Variants in M1AP observed in about 807,000 individuals in gnomAD.
The protein encoded by M1AP is meiosis 1 associated protein, also known as meiosis 1 arrest protein.
M1AP carries 39 observed loss-of-function variants against 51.2 expected under a neutral mutation model. The ratio of observed to expected loss-of-function variants is 0.76; its 90% confidence interval spans 0.59 to 1.00. The LOEUF is 1.00. M1AP is among the 50% of genes least tolerant of loss of function. The pLI, the probability that M1AP is intolerant of heterozygous loss-of-function variation, is 0.00. For synonymous variants in M1AP, 251 were observed against 249.2 expected (o/e 1.01, Z -0.07); for missense variants, 545 against 641.2 (o/e 0.85, Z 1.62).
chr2:74,600,696 G>A (rs1034515048), intron 4 of M1AP, among the ~76,000 whole-genome samples: 6 of 152,154 alleles, frequency 3.9e-5, no homozygotes, highest in Admixed American at 6.5e-5. Flanking sequence ...AATAGAGAAT[G>A]AACAGAAAAG....
chr2:74,566,727 G>T (rs946177596), intron 7 of M1AP, among the ~76,000 whole-genome samples: 6 of 131,040 alleles, frequency 4.6e-5, no homozygotes, highest in African/African-American at 1.7e-4. Flanking sequence ...CCCACTCTCA[G>T]CTTGGATTCT....
At chr2:74,640,483 A>T (rs1683232311) in intron 1 of M1AP, among the ~76,000 whole-genome samples, 156 bp from the exon 2 acceptor site, 1 of 147,734 alleles carries the variant, frequency 6.8e-6, no homozygotes, top group African/African-American at 2.5e-5. Context: ...TTTTTTTGAG[A>T]CAGAGTCTCG....
intron 3 of M1AP, among the ~76,000 whole-genome samples, chr2:74,612,330 C>T (rs1204709829): frequency 6.6e-6 from 1 of 151,926 alleles, no homozygotes; most frequent in Non-Finnish European, 1.5e-5. Context: ...GCAATCTTTC[C>T]ACCTCGGCCT....
At position 74,571,992 on chromosome 2, in the gene M1AP, C is replaced by T. The variant is rs1263594138; in HGVS notation, c.1074+3446G>A. 4.1e-5 allele frequency among the ~76,000 whole-genome samples: 6 copies of T among 147,008 alleles called. No homozygotes were observed. In the East Asian group the frequency reaches 8.0e-4, roughly 19 times the overall value. ...GGCCTGGGCAACAAGAGCGAAACTCCGTCTCAAAAAAAAAAAAAAAAAGAA... is the reference window on the plus strand; with the variant it reads ...GGCCTGGGCAACAAGAGCGAAACTCTGTCTCAAAAAAAAAAAAAAAAAGAA... On this transcript the variant is annotated intron_variant, in intron 7 of 10. Coordinates refer to ENST00000421985, the MANE Select transcript of M1AP (RefSeq NM_001321739.2).
intron 7 of M1AP, among the ~76,000 whole-genome samples, chr2:74,563,182 A>G (rs1678143230): frequency 6.6e-6 from 1 of 152,112 alleles, no homozygotes; most frequent in Admixed American, 6.6e-5. Flanking sequence ...GGAGTTCAAG[A>G]CCAGTCTGTG....
rs182105815 is a variant in M1AP at position 74,620,737 on chromosome 2, G to A, written c.241-5588C>T. On this transcript the variant is annotated intron_variant, in intron 2 of 10. Coordinates refer to ENST00000421985, the MANE Select transcript of M1AP (RefSeq NM_001321739.2). ...GGAAGTACAGAGTTAGTACAAATAG[G>A]TGGAGAGTTACTCTTCAGGCCTTTT... is the stretch of plus-strand genomic sequence containing the variant. 4.6e-3 allele frequency: 977 copies of A among 214,464 alleles called. 4 individuals carry two copies. The highest frequency in any genetic ancestry group is 8.1e-3 in the Non-Finnish European group (813 of 99,804). 13.3% of individuals were successfully genotyped at this position (214,464 alleles called of 1,614,324 possible).
intron 4 of M1AP, among the ~76,000 whole-genome samples, chr2:74,605,529 C>T (rs569917363): frequency 2.7e-4 from 41 of 152,230 alleles, no homozygotes; most frequent in Admixed American, 2.1e-3. Flanking sequence ...TACAGTAGTA[C>T]AGTATTGTTA....
chr2:74,584,363 A>T (rs1224517790), intron 4 of M1AP, among the ~76,000 whole-genome samples: 3 of 151,392 alleles, frequency 2.0e-5, no homozygotes, highest in African/African-American at 7.3e-5. Context: ...AGTCCCAGCT[A>T]CTTAGAAGTC....
intron 5 of M1AP, among the ~76,000 whole-genome samples, chr2:74,578,175 G>A (rs1023789185): frequency 3.3e-5 from 5 of 152,172 alleles, no homozygotes; most frequent in African/African-American, 9.7e-5. Flanking sequence ...TGGGGACCCC[G>A]ATCTAGGAAA....
At chr2:74,592,817 T>C (rs1316397802) in intron 4 of M1AP, among the ~76,000 whole-genome samples, 1 of 152,214 alleles carries the variant, frequency 6.6e-6, no homozygotes, top group Non-Finnish European at 1.5e-5. Flanking sequence ...TTTGGAATCT[T>C]TTCCAGATGG....
At chr2:74,585,983 A>G (rs759527065) in intron 4 of M1AP, among the ~76,000 whole-genome samples, 10 of 152,092 alleles carry the variant, frequency 6.6e-5, no homozygotes, top group Non-Finnish European at 1.5e-5. Flanking sequence ...TCACTCACTC[A>G]TCCTGTATCA....
intron 7 of M1AP, 72 bp from the exon 8 acceptor site, chr2:74,562,495 G>C (rs1331292794): frequency 6.4e-7 from 1 of 1,554,676 alleles, no homozygotes; most frequent in East Asian, 2.3e-5. Flanking sequence ...AGTCCCAATT[G>C]AAGTTTCCCT....
rs550473204 is a variant in M1AP at position 74,638,857 on chromosome 2, T to C, written c.240+1179A>G. On this transcript the variant is annotated intron_variant, in intron 2 of 10. Coordinates refer to ENST00000421985, the MANE Select transcript of M1AP (RefSeq NM_001321739.2). ...GATGATGTTTATTAATTTAGACCAC[T>C]ACATTTTGGGATAATTTGTTACACA... Among the ~76,000 whole-genome samples, 11 of 152,364 alleles carry C rather than the reference T, an allele frequency of 7.2e-5. No homozygotes were observed. In the South Asian group the frequency reaches 2.1e-3, roughly 29 times the overall value.
At chr2:74,582,198 GTAGCTGGGAT>G (rs1679448332) in intron 4 of M1AP, among the ~76,000 whole-genome samples, 1 of 152,178 alleles carries the variant, frequency 6.6e-6, no homozygotes, top group Non-Finnish European at 1.5e-5. Context: ...AGCCTCACAG[GTAGCTGGGAT>G]TAGCTGGGAT....
At chr2:74,644,170 CCT>C (rs1226639097) in intron 1 of M1AP, among the ~76,000 whole-genome samples, 3 of 151,924 alleles carry the variant, frequency 2.0e-5, no homozygotes. Context: ...TTTGATTTCC[CCT>C]GTGACAATAC....
At chr2:74,621,226 G>A (rs1682007998) in intron 2 of M1AP, among the ~76,000 whole-genome samples, 1 of 151,930 alleles carries the variant, frequency 6.6e-6, no homozygotes, top group Non-Finnish European at 1.5e-5. Context: ...AGGTTGCAGT[G>A]AGCAGAGATC....
At chr2:74,625,840 C>T (rs1682349792) in intron 2 of M1AP, among the ~76,000 whole-genome samples, 1 of 152,218 alleles carries the variant, frequency 6.6e-6, no homozygotes, top group Non-Finnish European at 1.5e-5. Context: ...TGTACTAATG[C>T]CTAATTCCCT....
At chr2:74,618,360 C>T (rs72907297) in intron 2 of M1AP, among the ~76,000 whole-genome samples, 80 of 152,270 alleles carry the variant, frequency 5.3e-4, no homozygotes, top group African/African-American at 1.6e-3. Flanking sequence ...TCAAGTGCCA[C>T]CAATTTAAAC....
intron 4 of M1AP, among the ~76,000 whole-genome samples, chr2:74,600,908 T>C (rs995999304): frequency 9.9e-5 from 15 of 152,080 alleles, no homozygotes; most frequent in African/African-American, 3.4e-4. Flanking sequence ...TAAATACGAA[T>C]TATTAGAGCT....
Sources: allele counts gnomAD v4.1 joint callset (sites outside exome capture counted in the v4.1 genomes callset), GRCh38; gene constraint gnomAD v4.1.1; transcripts MANE v1.5; gene names NCBI Gene and HGNC (gene_info 2026-07-23, HGNC 2026-07-21).